ANK2: variants seen among roughly 807,000 people sequenced by gnomAD.
The protein encoded by ANK2 is ankyrin-2.
Under a neutral mutation model 360.5 loss-of-function variants are expected in ANK2, and 83 were observed. The observed-to-expected ratio is 0.23, with a 90% confidence interval of 0.19 to 0.28. The LOEUF is 0.28. Among genes scored for constraint, ANK2 ranks in the 10% least tolerant of loss-of-function variants. The pLI, the probability that ANK2 is intolerant of heterozygous loss-of-function variation, is 1.00. For synonymous variants in ANK2, 1,740 were observed against 1,759.5 expected, an observed-to-expected ratio of 0.99 and a Z score of 0.28; for missense variants, 4,201 against 4,795.7, an observed-to-expected ratio of 0.88 and a Z score of 3.66.
At chr4:113,153,180 T>G (rs1466316184) in intron 1 of ANK2, among the ~76,000 whole-genome samples, 1 of 152,158 alleles carries the variant, frequency 6.6e-6, no homozygotes. Context: ...TTTGATACTG[T>G]AGGAATTTCC....
At chr4:113,282,935 GCAGA>G in intron 18 of ANK2, 63 bp downstream of exon 18, 2 of 1,562,030 alleles carry the variant, frequency 1.3e-6, no homozygotes, top group Non-Finnish European at 1.8e-6. Flanking sequence ...GGAACCAATC[GCAGA>G]CAGTTTGGAA....
chr4:112,826,173 A>G (rs2058371175), intron 1 of ANK2: 1 of 287,314 alleles, frequency 3.5e-6, no homozygotes, highest in African/African-American at 2.2e-5. Context: ...ACAGATGGTA[A>G]GATGAACTTG....
intron 18 of ANK2, among the ~76,000 whole-genome samples, chr4:113,283,678 TTATA>T (rs1389481550): frequency 6.6e-6 from 1 of 152,194 alleles, no homozygotes; most frequent in Non-Finnish European, 1.5e-5. Context: ...TATCTTACAC[TTATA>T]TATATGCTGC....
At chr4:112,827,890 A>G (rs542331906) in intron 1 of ANK2, among the ~76,000 whole-genome samples, 53 of 152,360 alleles carry the variant, frequency 3.5e-4, no homozygotes, top group African/African-American at 1.3e-3. Flanking sequence ...AGGAATAAAA[A>G]AAGAGGCCGA....
intron 14 of ANK2, among the ~76,000 whole-genome samples, 179 bp from the exon 15 acceptor site, chr4:113,274,273 C>T (rs1227058437): frequency 6.6e-6 from 1 of 152,146 alleles, no homozygotes; most frequent in Non-Finnish European, 1.5e-5. Context: ...GACTTTGTGA[C>T]CAACAGGGTC....
chr4:112,810,129 A>G, the ANK2 span, among the ~76,000 whole-genome samples: 2,481 of 41,082 alleles, frequency 0.06, 99 homozygotes, highest in African/African-American at 0.18. Context: ...TTTTGTGTAT[A>G]TATATATATA....
intron 10 of ANK2, among the ~76,000 whole-genome samples, chr4:113,251,995 C>T (rs984344658): frequency 2.6e-5 from 4 of 152,062 alleles, no homozygotes; most frequent in Middle Eastern, 3.2e-3. Flanking sequence ...GTCCGTTTCA[C>T]GCTACTGATA....
chr4:112,939,319 T>C (rs945187796), intron 2 of ANK2, among the ~76,000 whole-genome samples: 1 of 152,186 alleles, frequency 6.6e-6, no homozygotes, highest in East Asian at 1.9e-4. Context: ...TTTTTATTTA[T>C]TTATTTTGAG....
intron 14 of ANK2, among the ~76,000 whole-genome samples, chr4:113,265,246 C>A (rs29412): frequency 2.6e-5 from 4 of 152,080 alleles, no homozygotes; most frequent in African/African-American, 4.8e-5. Context: ...AGAAATACAT[C>A]GACTGATATT....
chr4:113,230,650 A>T (rs2099280400), intron 4 of ANK2, among the ~76,000 whole-genome samples: 1 of 152,190 alleles, frequency 6.6e-6, no homozygotes, highest in African/African-American at 2.4e-5. Flanking sequence ...TGGTTTTGAG[A>T]CCTTATGAAT....
the ANK2 span, among the ~76,000 whole-genome samples, chr4:112,725,486 G>A: frequency 1.2e-4 from 17 of 143,726 alleles, no homozygotes; most frequent in South Asian, 1.7e-3. Context: ...TCAGCCTCCC[G>A]AGTAGCTGGG....
the ANK2 span, among the ~76,000 whole-genome samples, chr4:112,750,269 G>A: frequency 1.3e-5 from 2 of 151,914 alleles, no homozygotes; most frequent in South Asian, 2.1e-4. Flanking sequence ...CCATATTCAC[G>A]AGAATCGCTT....
intron 26 of ANK2, among the ~76,000 whole-genome samples, chr4:113,328,196 T>G (rs1563790833): frequency 6.6e-6 from 1 of 152,112 alleles, no homozygotes; most frequent in Non-Finnish European, 1.5e-5. Flanking sequence ...GCAGGTGTAT[T>G]ATAATAATTC....
At chr4:113,114,344 T>C (rs1350606170) in intron 1 of ANK2, among the ~76,000 whole-genome samples, 1 of 152,150 alleles carries the variant, frequency 6.6e-6, no homozygotes, top group African/African-American at 2.4e-5. Flanking sequence ...CTTAAAGATA[T>C]TATGAGAAAA....
At chr4:113,190,384 A>G (rs937964225) in intron 2 of ANK2, among the ~76,000 whole-genome samples, 2 of 152,122 alleles carry the variant, frequency 1.3e-5, no homozygotes, top group Non-Finnish European at 2.9e-5. Context: ...TGCTCGGATT[A>G]TAAGCGTGAG....
At chr4:112,834,364 A>T (rs2060537676) in intron 1 of ANK2, among the ~76,000 whole-genome samples, 1 of 152,228 alleles carries the variant, frequency 6.6e-6, no homozygotes, top group Non-Finnish European at 1.5e-5. Flanking sequence ...ATATATCAGA[A>T]GAAAAAAGTA....
chr4:113,171,620 C>G (rs1404451605), intron 1 of ANK2, among the ~76,000 whole-genome samples: 1 of 152,164 alleles, frequency 6.6e-6, no homozygotes, highest in African/African-American at 2.4e-5. Flanking sequence ...TGGTCTTTGG[C>G]AGAATGGCTC....
At chr4:113,029,899 G>T (rs1298815144) in intron 2 of ANK2, among the ~76,000 whole-genome samples, 1 of 152,064 alleles carries the variant, frequency 6.6e-6, no homozygotes, top group Non-Finnish European at 1.5e-5. Context: ...CTGGTCATTT[G>T]ATTAGCATCC....
chr4:113,354,957 A>G lies in ANK2; in HGVS notation c.6339A>G (p.Glu2113=). The change falls in exon 38 of 46, where the codon GAA becomes GAG. Residue 2113 remains glutamate (E), a synonymous_variant. Transcript: ENST00000357077. The part of the protein sequence containing the change: ...ESHRESEVPK[E]KMADEQGDMD... ...ACAGAGAGAGCGAAGTGCCCAAAGAAAAGATGGCTGATGAGCAGGGAGACA... is the reference window on the plus strand; with the variant it reads ...ACAGAGAGAGCGAAGTGCCCAAAGAGAAGATGGCTGATGAGCAGGGAGACA... 6.2e-7 allele frequency: 1 copy of G among 1,614,074 alleles called. No individual in the cohort carries two copies. Among genetic ancestry groups the G allele is most frequent in the Non-Finnish European group, 8.5e-7 (1 of 1,179,966 alleles).
Sources: gnomAD v4.1 joint callset for allele counts (sites outside exome capture counted in the v4.1 genomes callset) on GRCh38, gnomAD v4.1.1 for gene constraint, MANE v1.5 for transcripts, NCBI Gene and HGNC (gene_info 2026-07-23, HGNC 2026-07-21) for gene names.